The following FBL variants were observed in gnomAD, a reference collection of about 807,000 sequenced individuals.
FBL encodes the protein rRNA 2'-O-methyltransferase fibrillarin.
FBL carries 10 observed loss-of-function variants against 42.2 expected under a neutral mutation model. That is an observed-to-expected ratio of 0.24 (90% CI 0.15 to 0.40). The LOEUF is 0.40. FBL is among the 10% of genes least tolerant of loss of function. The probability of loss-of-function intolerance (pLI) is 1.00; values close to 1 mark genes in which losing one functional copy is unlikely to be tolerated. For synonymous variants in FBL, 165 were observed against 165.4 expected, an observed-to-expected ratio of 1.00 and a Z score of 0.02; for missense variants, 351 against 439.2, an observed-to-expected ratio of 0.80 and a Z score of 1.79.
Position 39,834,468 on chromosome 19 carries a change from T to C in FBL, c.*70A>G. The C allele has an allele frequency of 1.9e-6, 3 of 1,566,314 alleles. No homozygotes were observed. The highest frequency in any genetic ancestry group is 2.6e-6 in the Non-Finnish European group (3 of 1,138,334). On this transcript the variant is annotated 3_prime_UTR_variant, in exon 9 of 9. Coordinates refer to ENST00000221801, the MANE Select transcript of FBL (RefSeq NM_001436.4). ...GCAGCAGACATGGGAGACGGATGAGTCTTTTAATAGAAAAACACACGTGCA... is the reference window on the plus strand; with the variant it reads ...GCAGCAGACATGGGAGACGGATGAGCCTTTTAATAGAAAAACACACGTGCA...
At chr19:39,839,283 A>C (rs1568540702) in intron 4 of FBL, 78 bp from the exon 5 acceptor site, 9 of 1,234,772 alleles carry the variant, frequency 7.3e-6, no homozygotes, top group African/African-American at 6.3e-5. Flanking sequence ...AGGAGCCTTG[A>C]AAGGAACTGG....
At chr19:39,835,519 A>AAAAAAT (rs374103014) in intron 7 of FBL, among the ~76,000 whole-genome samples, 29 of 152,276 alleles carry the variant, frequency 1.9e-4, no homozygotes, top group Middle Eastern at 3.4e-3. Flanking sequence ...CTCCATCTCA[A>AAAAAAT]AAAAATAAAA....
chr19:39,842,208 CCCCAGTAGCTGGGACTACAGGCG>C (rs1969175901), intron 1 of FBL, among the ~76,000 whole-genome samples: 1 of 152,072 alleles, frequency 6.6e-6, no homozygotes, highest in Admixed American at 6.5e-5. Context: ...GCCTCAGCCT[CCCCAGTAGCTGGGACTACAGGCG>C]CCCACCACCA....
intron 6 of FBL, among the ~76,000 whole-genome samples, chr19:39,837,452 AG>A (rs957893688): frequency 2.6e-5 from 4 of 152,216 alleles, no homozygotes; most frequent in Non-Finnish European, 5.9e-5. Context: ...TACAAGAGGC[AG>A]GAAGTACAGG....
intron 1 of FBL, among the ~76,000 whole-genome samples, chr19:39,843,442 G>T (rs2145066595): frequency 6.6e-6 from 1 of 152,252 alleles, no homozygotes; most frequent in Non-Finnish European, 1.5e-5. Flanking sequence ...GGTTCATAGG[G>T]GTCTTGAAAA....
At chr19:39,835,052 A>G (rs1165564385) in intron 7 of FBL, among the ~76,000 whole-genome samples, 4 of 152,208 alleles carry the variant, frequency 2.6e-5, no homozygotes, top group Admixed American at 2.0e-4. Context: ...GAGTAATGCT[A>G]TTATCACAAG....
chr19:39,840,180 G>C lies in FBL; in HGVS notation c.378+53C>G. ...ATGGTGAGGGCAGACACAGACTACT[G>C]GCTACACCCTCAGCTGCGACCCTGG... On this transcript the variant is annotated intron_variant, in intron 4 of 8. Coordinates refer to ENST00000221801, the MANE Select transcript of FBL (RefSeq NM_001436.4). This position sits in a 1 kb window ranked among gnomAD's most constrained non-coding sequence, Gnocchi z 4.5. The C allele has an allele frequency of 7.9e-7, 1 of 1,263,928 alleles. No individual in the cohort carries two copies. Among genetic ancestry groups the C allele is most frequent in the Non-Finnish European group, 1.2e-6 (1 of 862,600 alleles). 78.3% of individuals were successfully genotyped at this position (1,263,928 alleles called of 1,614,324 possible).
intron 6 of FBL, among the ~76,000 whole-genome samples, chr19:39,837,426 G>A (rs1473271867): frequency 2.0e-5 from 3 of 152,160 alleles, no homozygotes; most frequent in Non-Finnish European, 4.4e-5. Context: ...TTTTTATGGA[G>A]GGGTAGTGTA....
chr19:39,837,493 G>A (rs756380544), intron 6 of FBL, among the ~76,000 whole-genome samples: 1 of 152,144 alleles, frequency 6.6e-6, no homozygotes, highest in Non-Finnish European at 1.5e-5. Flanking sequence ...GAGACTGAAG[G>A]AGAAGAGGTT....
intron 1 of FBL, among the ~76,000 whole-genome samples, chr19:39,842,107 A>G (rs1245882581): frequency 6.7e-6 from 1 of 148,530 alleles, no homozygotes; most frequent in African/African-American, 2.5e-5. Flanking sequence ...TTTTTTTGAG[A>G]CGGAGTCTCA....
In FBL at chr19:39,837,841, A is replaced by G. The variant is rs536491182; in HGVS notation, c.552T>C (p.Asp184=). The change falls in exon 6 of 9, where the codon GAT becomes GAC. Residue 184 remains aspartate, a splice_region_variant and synonymous_variant. Transcript: ENST00000221801. Reference sequence around the variant, plus strand: ...AGAACTCGACTGCATAGACTAGACCATCCTAAAATAAATTAAAAATTAATG... The same window carrying G: ...AGAACTCGACTGCATAGACTAGACCGTCCTAAAATAAATTAAAAATTAATG... ...VSHVSDIVGP[D]GLVYAVEFSH... 1.9e-6 allele frequency: 3 copies of G among 1,613,326 alleles called. No individual in the cohort carries two copies. In the East Asian group the frequency reaches 6.7e-5, roughly 36 times the overall value.
At chr19:39,837,669 T>C (rs770805871) in intron 6 of FBL, 42 bp downstream of exon 6, 1 of 1,499,808 alleles carries the variant, frequency 6.7e-7, no homozygotes, top group Admixed American at 2.4e-5. Context: ...AAGCCTGCGG[T>C]GGCCTGTCCT....
chr19:39,840,394 T>C lies in FBL; in HGVS notation c.283+20A>G. ...CTCCCTGCCCCGAAGCTCAGCCGGC[T>C]CCCTGCCTTCCTCACTCACCCTCAT... is the stretch of plus-strand genomic sequence containing the variant. On this transcript the variant is annotated intron_variant, in intron 3 of 8. Transcript: ENST00000221801. The surrounding 1 kb of genome is among the most constrained non-coding windows in gnomAD (Gnocchi z 4.5). The C allele has an allele frequency of 6.2e-7, 1 of 1,613,528 alleles. No individual in the cohort carries two copies. Among genetic ancestry groups the C allele is most frequent in the Non-Finnish European group, 8.5e-7 (1 of 1,179,504 alleles).
Position 39,840,500 on chromosome 19 carries a change from G to C in FBL, c.197C>G (p.Ser66Cys). 6.2e-7 allele frequency: 1 copy of C among 1,614,110 alleles called. No individual in the cohort carries two copies. The highest frequency in any genetic ancestry group is 1.1e-5 in the South Asian group (1 of 91,078). ...GGGRGGGGFHSGGNRGRGRGG... is the reference protein window; with the variant it reads ...GGGRGGGGFHCGGNRGRGRGG... ...CCGACCACGACCCCGGTTGCCACCA[G>C]AATGGAAGCCTCCACCTATAAAGGA... Residue 66 changes from serine to cysteine, a missense_variant, in exon 3 of 9, where the codon TCT becomes TGT. Ser to Cys is a moderately radical substitution (Grantham distance 112). Transcript: ENST00000221801. The surrounding 1 kb of genome is among the most constrained non-coding windows in gnomAD (Gnocchi z 4.5).
Position 39,841,679 on chromosome 19 carries a change from A to G in FBL, c.11-892T>C, listed in dbSNP as rs375742602. ...AAGAAAAGTGTCAACCCCAGCCCCA[A>G]AACAGAGGGGAATACAGGATGATGT... is the stretch of plus-strand genomic sequence containing the variant. On this transcript the variant is annotated intron_variant, in intron 1 of 8. Transcript: ENST00000221801. Among the ~76,000 whole-genome samples the G allele has an allele frequency of 3.3e-5, 5 of 152,196 alleles. No individual in the cohort carries two copies. In the South Asian group the frequency reaches 8.3e-4, roughly 25 times the overall value.
In FBL at chr19:39,840,625, C is replaced by T; in HGVS notation, c.173G>A (p.Gly58Glu). Residue 58 changes from glycine (G) to glutamate (E), a missense_variant, in exon 2 of 9, where the codon GGA (glycine) becomes GAA (glutamate). Physicochemically the swap from Gly to Glu is moderately conservative, Grantham distance 98. Coordinates refer to ENST00000221801, the MANE Select transcript of FBL (RefSeq NM_001436.4). This position sits in a 1 kb window ranked among gnomAD's most constrained non-coding sequence, Gnocchi z 4.5. ...CCCCTAGCCAATCTTACCACCTCTT[C>T]CTCCTCCTCCACCGCCGCCGCCGCC... ...GGGGGGGGGG[G>E]RGGGGFHSGG... 1 of 1,613,236 alleles carries T rather than the reference C, an allele frequency of 6.2e-7. No homozygotes were observed. Among genetic ancestry groups the T allele is most frequent in the South Asian group, 1.1e-5 (1 of 91,028 alleles).
intron 6 of FBL, among the ~76,000 whole-genome samples, chr19:39,837,197 A>G (rs1018997092): frequency 6.6e-6 from 1 of 152,232 alleles, no homozygotes; most frequent in Non-Finnish European, 1.5e-5. Flanking sequence ...GTATAATGAA[A>G]ACTGATTATT....
intron 1 of FBL, among the ~76,000 whole-genome samples, chr19:39,843,631 C>T (rs750391297): frequency 5.3e-5 from 8 of 152,082 alleles, no homozygotes. Flanking sequence ...ATTAGCTGGG[C>T]GTGGTGGCGC....
At chr19:39,836,397 T>A (rs1969049259) in intron 7 of FBL, among the ~76,000 whole-genome samples, 159 bp downstream of exon 7, 1 of 152,252 alleles carries the variant, frequency 6.6e-6, no homozygotes, top group East Asian at 1.9e-4. Flanking sequence ...AGACTCAATT[T>A]TGCACTTGAC....
Sources: allele counts gnomAD v4.1 joint callset (sites outside exome capture counted in the v4.1 genomes callset), GRCh38; gene constraint gnomAD v4.1.1; non-coding constraint Gnocchi (gnomAD v3.1); transcripts MANE v1.5; gene names NCBI Gene and HGNC (gene_info 2026-07-23, HGNC 2026-07-21).